The following DOCK10 variants were observed in gnomAD, a reference collection of about 807,000 sequenced individuals.
DOCK10 encodes the protein dedicator of cytokinesis protein 10.
A neutral mutation model predicts 280.1 loss-of-function variants in DOCK10; 145 were observed. The ratio of observed to expected loss-of-function variants is 0.52; its 90% CI spans 0.45 to 0.59. DOCK10 has a LOEUF of 0.59. DOCK10 is among the 20% of genes least tolerant of loss of function. The pLI is 0.00. For missense variants in DOCK10, 2,368 were observed against 2,651.7 expected (o/e 0.89, Z 2.35); for synonymous variants, 915 against 942.2 (o/e 0.97, Z 0.53).
chr2:224,866,386 T>C (rs1697912796), intron 11 of DOCK10, among the ~76,000 whole-genome samples: 1 of 152,332 alleles, frequency 6.6e-6, no homozygotes, highest in East Asian at 1.9e-4. Context: ...TCATACTTCA[T>C]TGTGTCTAGA....
intron 1 of DOCK10, among the ~76,000 whole-genome samples, chr2:225,040,678 A>G (rs894139383): frequency 3.3e-5 from 5 of 152,156 alleles, no homozygotes; most frequent in Non-Finnish European, 7.3e-5. Flanking sequence ...GTGTGTTTCC[A>G]TCAGATCCTC....
At chr2:224,882,541 A>G (rs1420406839) in intron 7 of DOCK10, among the ~76,000 whole-genome samples, 1 of 152,202 alleles carries the variant, frequency 6.6e-6, no homozygotes, top group African/African-American at 2.4e-5. Flanking sequence ...TAAGAATTCC[A>G]AAGTATTCTA....
chr2:224,974,100 A>G (rs1455886633), intron 1 of DOCK10, among the ~76,000 whole-genome samples: 4 of 152,086 alleles, frequency 2.6e-5, no homozygotes, highest in Non-Finnish European at 4.4e-5. Flanking sequence ...CATGATTACA[A>G]TTTTCCATTT....
chr2:224,966,865 A>G (rs1704776164), intron 1 of DOCK10, among the ~76,000 whole-genome samples: 1 of 152,122 alleles, frequency 6.6e-6, no homozygotes, highest in Non-Finnish European at 1.5e-5. Context: ...AATAAAGTTA[A>G]ATAGCTCATC....
intron 27 of DOCK10, among the ~76,000 whole-genome samples, chr2:224,825,666 T>A (rs1694797067): frequency 6.6e-6 from 1 of 152,220 alleles, no homozygotes; most frequent in Admixed American, 6.5e-5. Context: ...CCTCTCAAAG[T>A]CTCCTGTGGC....
intron 31 of DOCK10, among the ~76,000 whole-genome samples, chr2:224,810,224 A>C (rs111622453): frequency 0.015 from 2,325 of 152,264 alleles, 50 homozygotes; most frequent in African/African-American, 0.053. Flanking sequence ...ACCACTATGC[A>C]ATCTATGCAT....
intron 31 of DOCK10, among the ~76,000 whole-genome samples, chr2:224,810,309 G>C (rs947343839): frequency 6.6e-6 from 1 of 152,176 alleles, no homozygotes; most frequent in African/African-American, 2.4e-5. Flanking sequence ...GAAGCACAGA[G>C]TAGAAAGATG....
intron 14 of DOCK10, among the ~76,000 whole-genome samples, chr2:224,857,605 T>C (rs1009227236): frequency 2.0e-5 from 3 of 152,166 alleles, no homozygotes; most frequent in Non-Finnish European, 4.4e-5. Flanking sequence ...CCAAGAAAAG[T>C]TAGGCTTAGT....
At chr2:224,949,072 T>A (rs1044382027) in intron 1 of DOCK10, among the ~76,000 whole-genome samples, 2 of 152,140 alleles carry the variant, frequency 1.3e-5, no homozygotes, top group Non-Finnish European at 2.9e-5. Flanking sequence ...TATGGGGATG[T>A]CAGATAGACA....
chr2:224,854,579 T>C (rs1343952369), intron 16 of DOCK10, among the ~76,000 whole-genome samples: 3 of 152,136 alleles, frequency 2.0e-5, no homozygotes, highest in African/African-American at 7.2e-5. Flanking sequence ...CCATTATGGA[T>C]TATTGGTTTG....
At chr2:224,804,356 T>C (rs1403947963) in intron 38 of DOCK10, 143 bp from the exon 39 acceptor site, 2 of 553,578 alleles carry the variant, frequency 3.6e-6, no homozygotes, top group Non-Finnish European at 6.2e-6. Flanking sequence ...CTGTTTTCTT[T>C]CGGAAATCAG....
At chr2:225,009,983 A>C (rs746962400) in intron 1 of DOCK10, among the ~76,000 whole-genome samples, 2 of 152,132 alleles carry the variant, frequency 1.3e-5, no homozygotes, top group Non-Finnish European at 2.9e-5. Flanking sequence ...GCATAGAAAA[A>C]AATGCAGCCA....
At chr2:224,997,177 G>A (rs1706294635) in intron 1 of DOCK10, among the ~76,000 whole-genome samples, 1 of 151,732 alleles carries the variant, frequency 6.6e-6, no homozygotes, top group African/African-American at 2.4e-5. Context: ...CACTGCCTTT[G>A]GGGTTGGGGT....
intron 23 of DOCK10, among the ~76,000 whole-genome samples, chr2:224,840,754 C>A (rs1481924061): frequency 6.6e-6 from 1 of 152,198 alleles, no homozygotes; most frequent in Non-Finnish European, 1.5e-5. Context: ...AGCAATCCCA[C>A]TACTGGATGT....
intron 3 of DOCK10, among the ~76,000 whole-genome samples, chr2:224,900,761 A>G (rs192482564): frequency 1.5e-3 from 233 of 152,344 alleles, no homozygotes; most frequent in Middle Eastern, 0.01. Flanking sequence ...GTAAGCCCTC[A>G]ATAAGTACTT....
At chr2:224,801,104 G>A (rs1692960916) in intron 40 of DOCK10, among the ~76,000 whole-genome samples, 1 of 151,974 alleles carries the variant, frequency 6.6e-6, no homozygotes, top group South Asian at 2.1e-4. Context: ...GCCTCCAGAT[G>A]GCAGACTTCA....
intron 2 of DOCK10, among the ~76,000 whole-genome samples, chr2:224,922,119 C>CAAAAAA (rs35964702): frequency 1.2e-4 from 6 of 51,576 alleles, no homozygotes; most frequent in East Asian, 6.7e-4. Flanking sequence ...AACTCCATCT[C>CAAAAAA]AAAAAAAAAA....
Position 224,999,750 on chromosome 2 carries a change from A to G in DOCK10, c.123+42502T>C, listed in dbSNP as rs544975975. On this transcript the variant is annotated intron_variant, in intron 1 of 55. Transcript: ENST00000258390. ...TTGGTAGATTCTTTAGTCTAAAATGAGTGTTGTCTGGTTGAATGCCCATAA... is the reference window on the plus strand; with the variant it reads ...TTGGTAGATTCTTTAGTCTAAAATGGGTGTTGTCTGGTTGAATGCCCATAA... 3.5e-4 allele frequency among the ~76,000 whole-genome samples: 52 copies of G among 147,110 alleles called. No individual in the cohort carries two copies. The South Asian group carries it at 0.011, about 30-fold the overall frequency.
At chr2:224,999,960 C>T (rs1482096387) in intron 1 of DOCK10, among the ~76,000 whole-genome samples, 1 of 152,288 alleles carries the variant, frequency 6.6e-6, no homozygotes, top group South Asian at 2.1e-4. Flanking sequence ...GATCATTCTT[C>T]AGACAGCATC....
Sources: allele counts gnomAD v4.1 joint callset (sites outside exome capture counted in the v4.1 genomes callset), GRCh38; gene constraint gnomAD v4.1.1; transcripts MANE v1.5; gene names NCBI Gene and HGNC (gene_info 2026-07-23, HGNC 2026-07-21).